RAC1: variants seen among roughly 807,000 people sequenced by gnomAD.
The protein encoded by RAC1 is Rac family small GTPase 1.
In RAC1, 2 loss-of-function variants were observed where a neutral mutation model predicts 25.2. The observed-to-expected ratio is 0.08, with a 90% CI of 0.03 to 0.25. The LOEUF is 0.25. Ranked by LOEUF, RAC1 falls within the 10% of genes least tolerant of loss-of-function variation. The pLI, the probability that RAC1 is intolerant of heterozygous loss-of-function variation, is 1.00. For missense variants in RAC1, 50 were observed against 235.7 expected, an observed-to-expected ratio of 0.21 and a Z score of 5.16; for synonymous variants, 88 against 94.0, an observed-to-expected ratio of 0.94 and a Z score of 0.37.
chr7:6,379,731 T>C (rs557015865), intron 1 of RAC1, among the ~76,000 whole-genome samples: 6 of 152,286 alleles, frequency 3.9e-5, no homozygotes, highest in Admixed American at 1.3e-4. Flanking sequence ...TTTATTATTT[T>C]ATTTTTTATT....
intron 2 of RAC1, among the ~76,000 whole-genome samples, chr7:6,389,862 G>A (rs1307820740): frequency 6.6e-6 from 1 of 152,000 alleles, no homozygotes; most frequent in African/African-American, 2.4e-5. Flanking sequence ...AGTCTCTTGT[G>A]AATTGTCTGT....
At chr7:6,390,376 C>T (rs118135746) in intron 2 of RAC1, among the ~76,000 whole-genome samples, 7 of 151,834 alleles carry the variant, frequency 4.6e-5, no homozygotes, top group East Asian at 1.9e-4. Context: ...CTGAGGTGGG[C>T]GCATTATGAG....
intron 1 of RAC1, among the ~76,000 whole-genome samples, chr7:6,386,580 G>T (rs1056289018): frequency 6.6e-6 from 1 of 151,962 alleles, no homozygotes; most frequent in East Asian, 1.9e-4. Flanking sequence ...TCAGGAGTTC[G>T]AGACCAGCCT....
chr7:6,392,849 G>C (rs760936731), intron 3 of RAC1, among the ~76,000 whole-genome samples: 2 of 152,196 alleles, frequency 1.3e-5, no homozygotes, highest in African/African-American at 2.4e-5. Flanking sequence ...GTGACTTCAG[G>C]CAGGCTTCAT....
At chr7:6,383,435 T>TAAAG (rs1562462833) in intron 1 of RAC1, among the ~76,000 whole-genome samples, 1 of 151,506 alleles carries the variant, frequency 6.6e-6, no homozygotes, top group Non-Finnish European at 1.5e-5. Flanking sequence ...AGGTTGCACT[T>TAAAG]TAAGAATTCT....
At chr7:6,379,273 T>G (rs1414303217) in intron 1 of RAC1, among the ~76,000 whole-genome samples, 1 of 148,052 alleles carries the variant, frequency 6.8e-6, no homozygotes, top group African/African-American at 2.5e-5. Flanking sequence ...AGGTAATTTT[T>G]TTTTTTTTTT....
intron 3 of RAC1, among the ~76,000 whole-genome samples, chr7:6,396,488 A>G (rs969227531): frequency 6.6e-6 from 1 of 152,136 alleles, no homozygotes; most frequent in African/African-American, 2.4e-5. Flanking sequence ...GGAAAGTGGA[A>G]CTGCTCGCTC....
At chr7:6,376,138 A>G (rs1782585490) in intron 1 of RAC1, among the ~76,000 whole-genome samples, 1 of 145,130 alleles carries the variant, frequency 6.9e-6, no homozygotes, top group Non-Finnish European at 1.5e-5. Context: ...TTTGTCTTGG[A>G]AGTGTGAAGG....
At chr7:6,392,854 C>T (rs1490964408) in intron 3 of RAC1, among the ~76,000 whole-genome samples, 1 of 152,204 alleles carries the variant, frequency 6.6e-6, no homozygotes, top group Non-Finnish European at 1.5e-5. Flanking sequence ...TTCAGGCAGG[C>T]TTCATCCTCT....
At chr7:6,382,937 G>A (rs1452727135) in intron 1 of RAC1, among the ~76,000 whole-genome samples, 2 of 152,200 alleles carry the variant, frequency 1.3e-5, no homozygotes, top group African/African-American at 2.4e-5. Flanking sequence ...TTTCATTGTG[G>A]TTATTTCTAC....
intron 1 of RAC1, among the ~76,000 whole-genome samples, chr7:6,379,256 C>G (rs1782694734): frequency 6.7e-6 from 1 of 148,582 alleles, no homozygotes; most frequent in African/African-American, 2.5e-5. Flanking sequence ...TGCCTGCTAC[C>G]ATGCCGAGGT....
Position 6,379,187 on chromosome 7 carries a change from C to T in RAC1, c.35+4417C>T, listed in dbSNP as rs561287899. ...TTTTATATTGGCTCACTGCAGCCTC[C>T]ACCTCCTGGGTTCAAGTGATTCTCC... On this transcript the variant is annotated intron_variant, in intron 1 of 5. Transcript: ENST00000348035. Among the ~76,000 whole-genome samples, 21 of 151,748 alleles carry T rather than the reference C, an allele frequency of 1.4e-4. No homozygotes were observed. In the South Asian group the frequency reaches 4.4e-3, roughly 32 times the overall value.
At chr7:6,388,999 G>A (rs1006430779) in intron 2 of RAC1, among the ~76,000 whole-genome samples, 10 of 151,002 alleles carry the variant, frequency 6.6e-5, no homozygotes, top group Non-Finnish European at 1.2e-4. Context: ...TCAGGAGTTC[G>A]AGACCAACCT....
At chr7:6,377,650 C>G (rs998994812) in intron 1 of RAC1, among the ~76,000 whole-genome samples, 4 of 151,756 alleles carry the variant, frequency 2.6e-5, no homozygotes, top group African/African-American at 7.3e-5. Context: ...CACGGTAGCT[C>G]AAGCCTGTAA....
At chr7:6,383,454 A>G (rs1782830020) in intron 1 of RAC1, among the ~76,000 whole-genome samples, 1 of 151,096 alleles carries the variant, frequency 6.6e-6, no homozygotes, top group Non-Finnish European at 1.5e-5. Context: ...CTGTAGTTTA[A>G]TAATCATATT....
intron 3 of RAC1, among the ~76,000 whole-genome samples, chr7:6,398,144 C>A (rs527719377): frequency 5.3e-5 from 8 of 152,346 alleles, no homozygotes; most frequent in Non-Finnish European, 8.8e-5. Flanking sequence ...AACATTTCTG[C>A]ATAGGAGACT....
intron 1 of RAC1, among the ~76,000 whole-genome samples, chr7:6,381,845 T>C (rs934827003): frequency 1.3e-5 from 2 of 152,216 alleles, no homozygotes; most frequent in African/African-American, 2.4e-5. Context: ...AACGCAGTTA[T>C]ATATAAGGCC....
intron 1 of RAC1, among the ~76,000 whole-genome samples, chr7:6,377,559 C>T (rs1487110929): frequency 6.6e-6 from 1 of 152,150 alleles, no homozygotes; most frequent in Non-Finnish European, 1.5e-5. Flanking sequence ...TGTGCCATTG[C>T]ACTCCAGCCC....
At chr7:6,401,630 C>G (rs999473673) in intron 4 of RAC1, 17 of 330,380 alleles carry the variant, frequency 5.1e-5, no homozygotes, top group Middle Eastern at 1.2e-3. Flanking sequence ...AGAGCCCGTT[C>G]TGTCCGGTCG....
Sources: gnomAD v4.1 joint callset for allele counts (sites outside exome capture counted in the v4.1 genomes callset) on GRCh38, gnomAD v4.1.1 for gene constraint, MANE v1.5 for transcripts, NCBI Gene and HGNC (gene_info 2026-07-23, HGNC 2026-07-21) for gene names.